RAB2B: variants seen among roughly 807,000 people sequenced by gnomAD.
RAB2B encodes the protein ras-related protein Rab-2B.
In RAB2B, 20 loss-of-function variants were observed where a neutral mutation model predicts 29.8. That is an observed-to-expected ratio of 0.67 (90% CI 0.47 to 0.97). The LOEUF (loss-of-function observed/expected upper bound fraction) is 0.97. Ranked by LOEUF, RAB2B falls within the 50% of genes least tolerant of loss-of-function variation. The pLI is 0.00. For missense variants in RAB2B, 218 were observed against 272.0 expected (o/e 0.80, Z 1.40); for synonymous variants, 93 against 91.7 (o/e 1.01, Z -0.08).
intron 3 of RAB2B, 48 bp downstream of exon 3, chr14:21,474,819 T>G (rs775924604): frequency 6.7e-7 from 1 of 1,489,388 alleles, no homozygotes; most frequent in Non-Finnish European, 9.4e-7. Context: ...CAGCTTTTCT[T>G]GTTATACTTG....
chr14:21,473,755 G>A lies in RAB2B; in HGVS notation c.186+1112C>T, dbSNP rs145050690. Reference sequence around the variant, plus strand: ...CGTCCGGGAGTGGTGGCTCACACCTGTAATCCCGGCACTTTGGGAGGCTGA... The same window carrying A: ...CGTCCGGGAGTGGTGGCTCACACCTATAATCCCGGCACTTTGGGAGGCTGA... On this transcript the variant is annotated intron_variant, in intron 3 of 7. Transcript: ENST00000397762. Among the ~76,000 whole-genome samples, 154 of 152,302 alleles carry A rather than the reference G, an allele frequency of 1.0e-3. 3 individuals are homozygous for A. The East Asian group carries it at 0.029, about 28-fold the overall frequency.
intron 5 of RAB2B, 44 bp from the exon 6 acceptor site, chr14:21,463,811 A>C (rs368351569): frequency 6.3e-6 from 8 of 1,269,526 alleles, no homozygotes; most frequent in Middle Eastern, 1.9e-4. Flanking sequence ...AAAAGATCCA[A>C]GTGAAAGAGG....
Position 21,468,367 on chromosome 14 carries a change from C to A in RAB2B, c.352G>T (p.Gly118Trp). The change falls in exon 5 of 8, where the codon GGG becomes TGG. Residue 118 changes from glycine to tryptophan, a missense_variant. Coordinates refer to ENST00000397762, the MANE Select transcript of RAB2B (RefSeq NM_032846.4). ...SSSNMVIMLI[G>W]NKSDLESRRD... ...TGGATACAATTTTACCTCTTATTCCCAATGAGCATGATAACCATGTTGGAA... is the reference window on the plus strand; with the variant it reads ...TGGATACAATTTTACCTCTTATTCCAAATGAGCATGATAACCATGTTGGAA... 1 of 1,612,978 alleles carries A rather than the reference C, an allele frequency of 6.2e-7. No homozygotes were observed.
intron 5 of RAB2B, among the ~76,000 whole-genome samples, chr14:21,467,575 T>G (rs1890715705): frequency 6.6e-6 from 1 of 152,178 alleles, no homozygotes; most frequent in Non-Finnish European, 1.5e-5. Flanking sequence ...TAATAACCAG[T>G]GTTGTTAAGG....
rs1162705746 is a variant in RAB2B at position 21,459,607 on chromosome 14, A to G, written c.*1589T>C. ...AAGATTCCACACAAAAACAACTGCA[A>G]ACCATATTTACATAGTAACATACAT... On this transcript the variant is annotated 3_prime_UTR_variant, in exon 8 of 8. Transcript: ENST00000397762. 6.6e-6 allele frequency: 1 copy of G among 152,278 alleles called. No individual in the cohort carries two copies. Among genetic ancestry groups the G allele is most frequent in the Non-Finnish European group, 1.5e-5 (1 of 68,072 alleles). The allele number at this position is 152,278 out of a possible 1,614,324, so 9.4% of individuals were successfully genotyped here. A position where few individuals can be genotyped will look rare whatever the true frequency, so the allele number is the denominator to read the frequency against.
rs545530281 is a variant in RAB2B at position 21,459,136 on chromosome 14, G to C, written c.*2060C>G. 9 of 152,670 alleles carry C rather than the reference G, an allele frequency of 5.9e-5. No homozygotes were observed. Among genetic ancestry groups the C allele is most frequent in the Non-Finnish European group, 7.3e-5 (5 of 68,038 alleles). The allele number at this position is 152,670 out of a possible 1,614,324, so 9.5% of individuals were successfully genotyped here. A position where few individuals can be genotyped will look rare whatever the true frequency, so the allele number is the denominator to read the frequency against. ...AGAGAACGGGACATCAAGGAAAAAA[G>C]ATATATATAGCAACCAACCCAGAAG... is the stretch of plus-strand genomic sequence containing the variant. On this transcript the variant is annotated 3_prime_UTR_variant, in exon 8 of 8. Transcript: ENST00000397762.
chr14:21,476,671 A>G (rs1465106291), intron 1 of RAB2B, 72 bp from the exon 2 acceptor site: 2 of 1,613,086 alleles, frequency 1.2e-6, no homozygotes. Context: ...TTCCCGGACC[A>G]GAGAAGGGGG....
intron 6 of RAB2B, 71 bp downstream of exon 6, chr14:21,463,585 G>T: frequency 9.0e-7 from 1 of 1,107,030 alleles, no homozygotes; most frequent in Non-Finnish European, 1.4e-6. Flanking sequence ...TAGGAGAAGA[G>T]AATTCTGAAT....
chr14:21,476,877 T>C lies in RAB2B; in HGVS notation c.-5A>G, dbSNP rs1171248751. 6.2e-7 allele frequency: 1 copy of C among 1,613,360 alleles called. No homozygotes were observed. Among genetic ancestry groups the C allele is most frequent in the African/African-American group, 1.3e-5 (1 of 74,994 alleles). On this transcript the variant is annotated 5_prime_UTR_variant, in exon 1 of 8. Transcript: ENST00000397762. ...GAAGAGATAAGCATAAGTCATGGTG[T>C]CGCGTCCTCTGGGTTCCGGGTCCGC...
intron 3 of RAB2B, among the ~76,000 whole-genome samples, chr14:21,472,374 T>C (rs1469798233): frequency 6.6e-6 from 1 of 152,144 alleles, no homozygotes; most frequent in Admixed American, 6.5e-5. Flanking sequence ...CCTATCACAG[T>C]AATCCCTAAA....
intron 3 of RAB2B, among the ~76,000 whole-genome samples, chr14:21,471,107 A>C (rs763938695): frequency 2.5e-4 from 38 of 151,592 alleles, no homozygotes; most frequent in Non-Finnish European, 5.2e-4. Context: ...CGGGAGGCAG[A>C]GGCTGCAGTA....
intron 5 of RAB2B, among the ~76,000 whole-genome samples, chr14:21,465,632 C>G (rs539094996): frequency 1.3e-5 from 2 of 152,296 alleles, no homozygotes; most frequent in South Asian, 4.1e-4. Flanking sequence ...CAAGCCACTT[C>G]TCTACTTAAA....
chr14:21,470,899 C>G (rs2139602593), intron 3 of RAB2B, among the ~76,000 whole-genome samples: 1 of 151,002 alleles, frequency 6.6e-6, no homozygotes, highest in East Asian at 1.9e-4. Context: ...CCTGTAATCC[C>G]AGCACTTTGG....
chr14:21,475,493 C>T (rs1256368403), intron 2 of RAB2B, among the ~76,000 whole-genome samples: 2 of 141,206 alleles, frequency 1.4e-5, no homozygotes. Context: ...TGCAGTGGTG[C>T]GATCTCAGCT....
At chr14:21,462,450 C>T (rs370380263) in intron 6 of RAB2B, 32 bp from the exon 7 acceptor site, 6 of 1,553,864 alleles carry the variant, frequency 3.9e-6, no homozygotes, top group African/African-American at 2.7e-5. Context: ...TCATCAGTCT[C>T]AAGTTCAGGT....
At chr14:21,469,875 C>CT (rs1890765885) in intron 3 of RAB2B, among the ~76,000 whole-genome samples, 1 of 151,658 alleles carries the variant, frequency 6.6e-6, no homozygotes, top group Admixed American at 6.6e-5. Context: ...GTGCTACGAA[C>CT]TTTAAGAGAC....
chr14:21,476,328 C>T (rs1890962445), intron 2 of RAB2B, 200 bp downstream of exon 2: 5 of 574,580 alleles, frequency 8.7e-6, no homozygotes, highest in Non-Finnish European at 1.2e-5. Flanking sequence ...AAAAAGTTAC[C>T]TTTCAATTAT....
chr14:21,465,454 T>G (rs1276341994), intron 5 of RAB2B, among the ~76,000 whole-genome samples: 1 of 152,216 alleles, frequency 6.6e-6, no homozygotes, highest in African/African-American at 2.4e-5. Context: ...AAATATCTAA[T>G]CCATTCCAAA....
intron 7 of RAB2B, 124 bp downstream of exon 7, chr14:21,462,226 G>T: frequency 2.5e-4 from 140 of 551,420 alleles, no homozygotes; most frequent in Non-Finnish European, 3.3e-4. Context: ...AAAAAGTGTT[G>T]AATTGGCAGA....
Sources: allele counts gnomAD v4.1 joint callset (sites outside exome capture counted in the v4.1 genomes callset), GRCh38; gene constraint gnomAD v4.1.1; transcripts MANE v1.5; gene names NCBI Gene and HGNC (gene_info 2026-07-23, HGNC 2026-07-21).